Variants in UGT1A7 observed in about 807,000 individuals in gnomAD.
The protein encoded by UGT1A7 is UDP glucuronosyltransferase family 1 member A7.
A neutral mutation model predicts 45.6 loss-of-function variants in UGT1A7; 33 were observed. The ratio of observed to expected loss-of-function variants is 0.72; its 90% CI spans 0.55 to 0.97. The LOEUF (loss-of-function observed/expected upper bound fraction) is 0.97, where lower values mean the gene tolerates loss of function less well. Ranked by LOEUF, UGT1A7 falls within the 50% of genes least tolerant of loss-of-function variation. The pLI, the probability that UGT1A7 is intolerant of heterozygous loss-of-function variation, is 0.00. For synonymous variants in UGT1A7, 274 were observed against 250.6 expected (o/e 1.09, Z -0.88); for missense variants, 684 against 666.2 (o/e 1.03, Z -0.29).
Position 233,719,112 on chromosome 2 carries a change from C to T in UGT1A7, c.855+36320C>T, listed in dbSNP as rs201323245. On this transcript the variant is annotated intron_variant, in intron 1 of 4. Transcript: ENST00000373426. ...TGATCGCGTTACGCTGGGCTACACT[C>T]AAGGGTTCTTTGAAACAGAACATCT... 6.5e-5 allele frequency: 105 copies of T among 1,614,240 alleles called. 2 individuals are homozygous for T. The East Asian group carries it at 1.8e-3, about 28-fold the overall frequency.
chr2:233,685,187 T>C (rs774060985), intron 1 of UGT1A7, among the ~76,000 whole-genome samples: 5 of 152,124 alleles, frequency 3.3e-5, no homozygotes, highest in Non-Finnish European at 5.9e-5. Context: ...CAGGAGAACA[T>C]TAAAACGGTT....
In UGT1A7 at chr2:233,734,393, C is replaced by T. The variant is rs557317498; in HGVS notation, c.856-32641C>T. On this transcript the variant is annotated intron_variant, in intron 1 of 4. Transcript: ENST00000373426. ...ATATTGCCTTTACTATTTTTTATTG[C>T]GTCTATTTGATTCTTCTCTCTTTTC... Among the ~76,000 whole-genome samples, 8 of 152,072 alleles carry T rather than the reference C, an allele frequency of 5.3e-5. No homozygotes were observed. In the East Asian group the frequency reaches 7.7e-4, roughly 15 times the overall value.
chr2:233,753,414 T>C (rs1264924326), intron 1 of UGT1A7: 1 of 152,196 alleles, frequency 6.6e-6, no homozygotes, highest in Non-Finnish European at 1.5e-5. Flanking sequence ...CCAAACCCAT[T>C]GTCACAGTAT....
intron 1 of UGT1A7, among the ~76,000 whole-genome samples, chr2:233,683,447 A>T (rs1304949138): frequency 6.6e-6 from 1 of 152,090 alleles, no homozygotes; most frequent in East Asian, 1.9e-4. Context: ...GAATTCTTGT[A>T]TACTTTCTTT....
At chr2:233,737,627 C>T (rs979960494) in intron 1 of UGT1A7, among the ~76,000 whole-genome samples, 1 of 152,190 alleles carries the variant, frequency 6.6e-6, no homozygotes, top group African/African-American at 2.4e-5. Flanking sequence ...AGAAATCATC[C>T]ATCTTCTGCG....
chr2:233,710,169 TTTA>T (rs1460838306), intron 1 of UGT1A7, among the ~76,000 whole-genome samples: 1 of 152,248 alleles, frequency 6.6e-6, no homozygotes, highest in Non-Finnish European at 1.5e-5. Context: ...TATGCATTTA[TTTA>T]TTGATGGACA....
At position 233,682,633 on chromosome 2, in the gene UGT1A7, T is replaced by G; in HGVS notation, c.696T>G (p.Ser232=). ...TCAAAAATGTCTTAGAAATAGCCTC[T>G]GAAATTCTCCAAACCCCTGTCACGG... ...YFFKNVLEIA[S]EILQTPVTAY... Residue 232 remains serine (S), a synonymous_variant, in exon 1 of 5, where the codon TCT becomes TCG. Coordinates refer to ENST00000373426, the MANE Select transcript of UGT1A7 (RefSeq NM_019077.3). 4 of 1,613,964 alleles carry G rather than the reference T, an allele frequency of 2.5e-6. No homozygotes were observed. The highest frequency in any genetic ancestry group is 3.4e-6 in the Non-Finnish European group (4 of 1,179,836).
intron 1 of UGT1A7, chr2:233,747,653 T>C: frequency 6.3e-7 from 1 of 1,590,314 alleles, no homozygotes; most frequent in Non-Finnish European, 8.6e-7. Context: ...CTTCCTTCGA[T>C]GTGGTTTTAA....
chr2:233,759,264 GCTGCATT>G (rs1697095056), intron 1 of UGT1A7, among the ~76,000 whole-genome samples: 1 of 152,204 alleles, frequency 6.6e-6, no homozygotes, highest in South Asian at 2.1e-4. Context: ...GGTCACTGCA[GCTGCATT>G]CTGATTGGTT....
chr2:233,747,060 A>C (rs1693551800), intron 1 of UGT1A7, among the ~76,000 whole-genome samples: 1 of 151,974 alleles, frequency 6.6e-6, no homozygotes, highest in Non-Finnish European at 1.5e-5. Flanking sequence ...ATGATTGGTT[A>C]ATCGGTAATA....
rs551912265 is a variant in UGT1A7 at position 233,725,264 on chromosome 2, G to GGAGGCAGAGGCA, written c.856-41728_856-41717dup. ...CAGAGGCAGAGGAGGCAGAGGCAGA[G>GGAGGCAGAGGCA]GAGGCAGAGGCAGAGGCAGAGGCAG... On this transcript the variant is annotated intron_variant, in intron 1 of 4. Transcript: ENST00000373426. Among the ~76,000 whole-genome samples, 48 of 58,548 alleles carry GGAGGCAGAGGCA rather than the reference G, an allele frequency of 8.2e-4. 10 individuals are homozygous for GGAGGCAGAGGCA. Among genetic ancestry groups the GGAGGCAGAGGCA allele is most frequent in the Non-Finnish European group, 1.1e-3 (35 of 32,858 alleles). 38.4% of individuals were successfully genotyped at this position (58,548 alleles called of 152,430 possible). A position where few individuals can be genotyped will look rare whatever the true frequency, so the allele number is the denominator to read the frequency against.
chr2:233,747,235 C>T, intron 1 of UGT1A7: 2 of 1,604,608 alleles, frequency 1.2e-6, no homozygotes, highest in Non-Finnish European at 1.7e-6. Flanking sequence ...ACCCCAGGTT[C>T]CCCTGCTGTG....
chr2:233,711,047 C>G (rs2076160015), intron 1 of UGT1A7, among the ~76,000 whole-genome samples: 2 of 152,134 alleles, frequency 1.3e-5, no homozygotes, highest in African/African-American at 4.8e-5. Flanking sequence ...TCACTGACAC[C>G]CATGGCTTCA....
chr2:233,741,876 G>A (rs1319262823), intron 1 of UGT1A7: 1 of 151,830 alleles, frequency 6.6e-6, no homozygotes, highest in African/African-American at 2.4e-5. Context: ...TTCCTCAGAG[G>A]TGACCCTAGA....
At chr2:233,762,613 G>C (rs1698113480) in intron 1 of UGT1A7, among the ~76,000 whole-genome samples, 2 of 152,034 alleles carry the variant, frequency 1.3e-5, no homozygotes, top group South Asian at 4.1e-4. Flanking sequence ...GAGTTTTGTT[G>C]TTGTGACCTC....
intron 1 of UGT1A7, among the ~76,000 whole-genome samples, chr2:233,721,360 G>T (rs1478965669): frequency 6.6e-6 from 1 of 152,144 alleles, no homozygotes; most frequent in Non-Finnish European, 1.5e-5. Context: ...AGACTGAACT[G>T]CACTGGCTCA....
intron 1 of UGT1A7, among the ~76,000 whole-genome samples, chr2:233,745,604 G>A (rs908621602): frequency 6.6e-6 from 1 of 151,572 alleles, no homozygotes; most frequent in African/African-American, 2.4e-5. Flanking sequence ...TTGGCACTTG[G>A]TAAGCACACA....
At chr2:233,745,811 G>C (rs148112408) in intron 1 of UGT1A7, among the ~76,000 whole-genome samples, 1 of 151,496 alleles carries the variant, frequency 6.6e-6, no homozygotes, top group East Asian at 1.9e-4. Flanking sequence ...CCAGAGTTTT[G>C]AGAGCAAGGC....
At chr2:233,719,382 C>G in intron 1 of UGT1A7, 2 of 1,613,952 alleles carry the variant, frequency 1.2e-6, no homozygotes, top group Middle Eastern at 1.7e-4. Flanking sequence ...CACACAGTGT[C>G]CAAATCCTTC....
Sources: gnomAD v4.1 joint callset for allele counts (sites outside exome capture counted in the v4.1 genomes callset) on GRCh38, gnomAD v4.1.1 for gene constraint, MANE v1.5 for transcripts, NCBI Gene and HGNC (gene_info 2026-07-23, HGNC 2026-07-21) for gene names.